HIF3A: variants seen among roughly 807,000 people sequenced by gnomAD.
The protein encoded by HIF3A is hypoxia inducible factor 3 subunit alpha.
A neutral mutation model predicts 67.2 loss-of-function variants in HIF3A; 41 were observed. The ratio of observed to expected loss-of-function variants is 0.61; its 90% CI spans 0.48 to 0.79. The LOEUF is 0.79. Ranked by LOEUF, HIF3A falls within the 30% of genes least tolerant of loss-of-function variation. The pLI is 0.00. For missense variants in HIF3A, 855 were observed against 898.0 expected (o/e 0.95, Z 0.61); for synonymous variants, 356 against 374.8 (o/e 0.95, Z 0.58).
intron 8 of HIF3A, among the ~76,000 whole-genome samples, chr19:46,315,277 G>T (rs1969823595): frequency 6.9e-6 from 1 of 145,732 alleles, no homozygotes; most frequent in South Asian, 2.3e-4. Flanking sequence ...AGATTGGCCA[G>T]GCTGGTCTCG....
chr19:46,336,111 T>TC (rs1491252807), intron 14 of HIF3A, among the ~76,000 whole-genome samples: 1 of 139,694 alleles, frequency 7.2e-6, no homozygotes, highest in African/African-American at 2.8e-5. Context: ...TTTTTTTTTT[T>TC]GAGACAGAGT....
At position 46,308,233 on chromosome 19, in the gene HIF3A, G is replaced by A; in HGVS notation, c.376G>A (p.Gly126Arg). The change falls in exon 4 of 15, where the codon GGA becomes AGA. Residue 126 changes from glycine to arginine, a missense_variant. This residue lies in a region of HIF3A where 638 missense variants were observed against 660.5 expected (regional missense o/e 0.97). Transcript: ENST00000377670. ...TCATCCCTGGCAGCTGGAGCTCATT[G>A]GACACAGCATCTTTGATTTCATCCA... ...HLGLSQLELI[G>R]HSIFDFIHPC... The A allele has an allele frequency of 6.2e-7, 1 of 1,613,672 alleles. No individual in the cohort carries two copies. The highest frequency in any genetic ancestry group is 2.2e-5 in the East Asian group (1 of 44,874).
intron 1 of HIF3A, among the ~76,000 whole-genome samples, chr19:46,301,564 G>A (rs1394803032): frequency 3.3e-5 from 5 of 152,300 alleles, no homozygotes; most frequent in Admixed American, 6.5e-5. Flanking sequence ...GGTGGCTCAC[G>A]CCTGTAATCC....
At chr19:46,339,082 T>C (rs1971827664) in intron 14 of HIF3A, among the ~76,000 whole-genome samples, 1 of 152,102 alleles carries the variant, frequency 6.6e-6, no homozygotes, top group Non-Finnish European at 1.5e-5. Context: ...CACGCCACAA[T>C]ACCAGGCGTT....
intron 8 of HIF3A, among the ~76,000 whole-genome samples, chr19:46,318,209 A>G (rs949822876): frequency 8.4e-5 from 5 of 59,804 alleles, no homozygotes; most frequent in Admixed American, 6.8e-4. Context: ...TGTCATTTGG[A>G]ATTTTTTTTT....
In HIF3A at chr19:46,309,181, T is replaced by C. The variant is rs1969197731; in HGVS notation, c.592T>C (p.Tyr198His). The C allele has an allele frequency of 6.2e-7, 1 of 1,613,948 alleles. No individual in the cohort carries two copies. Among genetic ancestry groups the C allele is most frequent in the Non-Finnish European group, 8.5e-7 (1 of 1,179,962 alleles). ...VLNCSGHMRA[Y>H]KPPAQTSPAG... ...GAACTGCTCTGGACATATGAGGGCC[T>C]ACAAGCCACCTGCGCAGACTTCTCC... The change falls in exon 6 of 15, where the codon TAC becomes CAC. Residue 198 changes from tyrosine (Y) to histidine (H), a missense_variant. Physicochemically the swap from Tyr to His is moderately conservative, Grantham distance 83. Around this residue, in one of 3 missense-constraint regions of HIF3A, gnomAD observed 638 missense variants for 660.5 expected, o/e 0.97. Transcript: ENST00000377670.
chr19:46,308,003 T>TAGATAGAC (rs1555778661), intron 3 of HIF3A, among the ~76,000 whole-genome samples: 53 of 13,662 alleles, frequency 3.9e-3, no homozygotes, highest in African/African-American at 5.7e-3. Flanking sequence ...GACAGACAGA[T>TAGATAGAC]AGATAGATAG....
At chr19:46,318,118 G>C (rs1970062261) in intron 8 of HIF3A, among the ~76,000 whole-genome samples, 1 of 152,054 alleles carries the variant, frequency 6.6e-6, no homozygotes, top group Non-Finnish European at 1.5e-5. Context: ...TTACAGGCGT[G>C]AGCCACTGTG....
Position 46,297,712 on chromosome 19 carries a change from G to A in HIF3A, c.26+610G>A, listed in dbSNP as rs1046807389. ...CAGAGGGGAGCCCCTTTCAGAAGCCGTCTGGGACCCTTCCCAAGAGACTTT... is the reference window on the plus strand; with the variant it reads ...CAGAGGGGAGCCCCTTTCAGAAGCCATCTGGGACCCTTCCCAAGAGACTTT... On this transcript the variant is annotated intron_variant, in intron 1 of 14. Coordinates refer to ENST00000377670, the MANE Select transcript of HIF3A (RefSeq NM_152795.4). This position sits in a 1 kb window ranked among gnomAD's most constrained non-coding sequence, Gnocchi z 4.5. Among the ~76,000 whole-genome samples, 3 of 152,060 alleles carry A rather than the reference G, an allele frequency of 2.0e-5. No individual in the cohort carries two copies. Among genetic ancestry groups the A allele is most frequent in the Admixed American group, 6.5e-5 (1 of 15,268 alleles).
chr19:46,312,590 C>T lies in HIF3A; in HGVS notation c.962C>T (p.Thr321Ile), dbSNP rs1969538624. The change falls in exon 8 of 15, where the codon ACA becomes ATA. Residue 321 changes from threonine to isoleucine, a missense_variant. Transcript: ENST00000377670. ...GGYLWTQTQA[T>I]VVSGGRGPQS... is the part of the protein sequence containing the mutation. ...TACCTGTGGACCCAGACCCAGGCCA[C>T]AGTGGTGTCAGGGGGACGGGGCCCC... The T allele has an allele frequency of 1.2e-6, 2 of 1,607,814 alleles. No homozygotes were observed. The highest frequency in any genetic ancestry group is 1.7e-6 in the Non-Finnish European group (2 of 1,176,938).
intron 8 of HIF3A, among the ~76,000 whole-genome samples, chr19:46,319,973 T>C (rs1049093578): frequency 6.6e-6 from 1 of 152,196 alleles, no homozygotes; most frequent in Non-Finnish European, 1.5e-5. Flanking sequence ...CTCACGCCTG[T>C]AATCATAGCA....
chr19:46,305,001 C>T, intron 2 of HIF3A: 1 of 623,868 alleles, frequency 1.6e-6, no homozygotes. Context: ...ATTCTGTTCC[C>T]TTGGGAGACT....
Position 46,334,980 on chromosome 19 carries a change from C to T in HIF3A, c.1906C>T (p.Pro636Ser). The change falls in exon 14 of 15, where the codon CCC (proline) becomes TCC (serine). Residue 636 changes from proline (P) to serine (S), a missense_variant. Physicochemically the swap from Pro to Ser is moderately conservative, Grantham distance 74. Around this residue, in one of 3 missense-constraint regions of HIF3A, gnomAD observed 199 missense variants for 193.8 expected, o/e 1.03. Coordinates refer to ENST00000377670, the MANE Select transcript of HIF3A (RefSeq NM_152795.4). ...CACCCCACTCCTGAACCTGAATGAG[C>T]CCCTGGGTGAGTAGCAACCTGGGTA... ...PSTPLLNLNE[P>S]LGLGPSLLSP... 2.5e-6 allele frequency: 4 copies of T among 1,603,026 alleles called. No homozygotes were observed. The highest frequency in any genetic ancestry group is 3.4e-6 in the Non-Finnish European group (4 of 1,174,606).
chr19:46,304,202 C>A, intron 2 of HIF3A, 114 bp downstream of exon 2: 1 of 904,350 alleles, frequency 1.1e-6, no homozygotes, highest in South Asian at 1.7e-5. Flanking sequence ...GCCCCGCCCC[C>A]TGGTGTCGTT....
At chr19:46,330,283 G>A (rs1971102244) in intron 12 of HIF3A, among the ~76,000 whole-genome samples, 1 of 152,176 alleles carries the variant, frequency 6.6e-6, no homozygotes, top group South Asian at 2.1e-4. Context: ...GTGGACAGGT[G>A]GATGGATGCA....
chr19:46,301,375 C>T (rs949976405), intron 1 of HIF3A, among the ~76,000 whole-genome samples: 6 of 152,134 alleles, frequency 3.9e-5, no homozygotes, highest in Non-Finnish European at 8.8e-5. Context: ...CTGCTTCCCT[C>T]GGATGGGTCC....
At chr19:46,338,907 C>T (rs1165679334) in intron 14 of HIF3A, among the ~76,000 whole-genome samples, 1 of 152,102 alleles carries the variant, frequency 6.6e-6, no homozygotes, top group African/African-American at 2.4e-5. Flanking sequence ...GCTTGCCTCA[C>T]CACCCAGGCT....
At chr19:46,312,736 T>TGTGTGTGCGC in intron 8 of HIF3A, 83 bp downstream of exon 8, 1 of 1,500,804 alleles carries the variant, frequency 6.7e-7, no homozygotes, top group Non-Finnish European at 8.9e-7. Flanking sequence ...TGTGTGTGTG[T>TGTGTGTGCGC]GCGTATGAGC....
At position 46,329,440 on chromosome 19, in the gene HIF3A, C is replaced by A. The variant is rs756534041; in HGVS notation, c.1674C>A (p.Asp558Glu). ...RLSCSSPSRG[D>E]PSASSPMAGA... ...GCTGCTCCAGCCCTTCCAGAGGGGACCCCTCAGCATCCTCTCCCATGGCTG... is the reference window on the plus strand; with the variant it reads ...GCTGCTCCAGCCCTTCCAGAGGGGAACCCTCAGCATCCTCTCCCATGGCTG... Residue 558 changes from aspartate to glutamate, a missense_variant, in exon 12 of 15, where the codon GAC (aspartate) becomes GAA (glutamate). Physicochemically the swap from Asp to Glu is conservative, Grantham distance 45 (BLOSUM62 2). Coordinates refer to ENST00000377670, the MANE Select transcript of HIF3A (RefSeq NM_152795.4). The A allele has an allele frequency of 2.6e-6, 4 of 1,563,520 alleles. No individual in the cohort carries two copies. Among genetic ancestry groups the A allele is most frequent in the Non-Finnish European group, 3.5e-6 (4 of 1,153,618 alleles).
Sources: allele counts gnomAD v4.1 joint callset (sites outside exome capture counted in the v4.1 genomes callset), GRCh38; gene constraint gnomAD v4.1.1; regional missense constraint gnomAD v4.1.1; non-coding constraint Gnocchi (gnomAD v3.1); transcripts MANE v1.5; gene names NCBI Gene and HGNC (gene_info 2026-07-23, HGNC 2026-07-21).